VPS8: variants seen among roughly 807,000 people sequenced by gnomAD.
VPS8 encodes vacuolar protein sorting-associated protein 8 homolog.
Under a neutral mutation model 216.4 loss-of-function variants are expected in VPS8, and 129 were observed. The ratio of observed to expected loss-of-function variants is 0.60; its 90% CI spans 0.52 to 0.69. The LOEUF (loss-of-function observed/expected upper bound fraction) is 0.69. Among genes scored for constraint, VPS8 ranks in the 30% least tolerant of loss-of-function variants. The probability of loss-of-function intolerance (pLI) is 0.00; values close to 1 mark genes in which losing one functional copy is unlikely to be tolerated. For missense variants in VPS8, 1,531 were observed against 1,683.5 expected, an observed-to-expected ratio of 0.91 and a Z score of 1.59; for synonymous variants, 571 against 565.4, an observed-to-expected ratio of 1.01 and a Z score of -0.14.
At chr3:184,916,159 T>G (rs1223544517) in intron 28 of VPS8, among the ~76,000 whole-genome samples, 1 of 152,158 alleles carries the variant, frequency 6.6e-6, no homozygotes, top group Non-Finnish European at 1.5e-5. Context: ...GGAGTCGAAA[T>G]GGAACGCGGA....
intron 42 of VPS8, among the ~76,000 whole-genome samples, chr3:184,988,219 G>C (rs998889977): frequency 6.6e-6 from 1 of 152,080 alleles, no homozygotes; most frequent in Non-Finnish European, 1.5e-5. Context: ...TTTTGATGTT[G>C]TATGTAAAAA....
At chr3:185,018,563 G>A (rs573414948) in intron 45 of VPS8, among the ~76,000 whole-genome samples, 7 of 152,294 alleles carry the variant, frequency 4.6e-5, no homozygotes, top group African/African-American at 1.7e-4. Context: ...GTTTTAAATT[G>A]TAAGAACTGA....
At chr3:184,928,088 C>G (rs1740002979) in intron 31 of VPS8, among the ~76,000 whole-genome samples, 2 of 152,082 alleles carry the variant, frequency 1.3e-5, no homozygotes, top group Admixed American at 6.6e-5. Context: ...TGTGGATAGA[C>G]AGATTGTAAA....
intron 5 of VPS8, among the ~76,000 whole-genome samples, chr3:184,837,713 T>C (rs1354552531): frequency 6.6e-6 from 1 of 152,170 alleles, no homozygotes; most frequent in Non-Finnish European, 1.5e-5. Context: ...TTCTGAGAGA[T>C]GATAATAATT....
At chr3:185,024,284 A>G (rs1757050187) in intron 45 of VPS8, 52 bp from the exon 46 acceptor site, 2 of 1,511,980 alleles carry the variant, frequency 1.3e-6, no homozygotes, top group Non-Finnish European at 9.0e-7. Context: ...TGGGTCAGAC[A>G]AAACTAGACT....
At chr3:184,886,016 A>G in intron 21 of VPS8, 94 bp from the exon 22 acceptor site, 2 of 1,368,822 alleles carry the variant, frequency 1.5e-6, no homozygotes, top group Non-Finnish European at 2.0e-6. Flanking sequence ...ATATCCTCCT[A>G]ACAATCTAAA....
chr3:184,957,495 T>G lies in VPS8; in HGVS notation c.3157T>G (p.Cys1053Gly). The change falls in exon 37 of 48, where the codon TGC (cysteine) becomes GGC (glycine). Residue 1053 changes from cysteine (C) to glycine (G), a missense_variant. Cys to Gly is a radical substitution (Grantham distance 159, BLOSUM62 -3). Around this residue, in one of 3 missense-constraint regions of VPS8, gnomAD observed 1,318 missense variants for 1,468.4 expected, o/e 0.90. Coordinates refer to ENST00000625842, the MANE Select transcript of VPS8 (RefSeq NM_001009921.3). ...TATAGAGACTCTGCAAGTCCTTGAG[T>G]GCTACCGTCTGGAAGAAACTATTCA... The part of the protein sequence containing the change: ...QVIETLQVLE[C>G]YRLEETIQIT... The G allele has an allele frequency of 6.2e-7, 1 of 1,611,670 alleles. No homozygotes were observed. Among genetic ancestry groups the G allele is most frequent in the Non-Finnish European group, 8.5e-7 (1 of 1,178,896 alleles).
intron 21 of VPS8, among the ~76,000 whole-genome samples, chr3:184,875,920 G>T (rs116573628): frequency 0.013 from 2,018 of 151,598 alleles, 40 homozygotes; most frequent in African/African-American, 0.046. Flanking sequence ...AGCCCGGGAG[G>T]TTGAGGTTGC....
At chr3:184,822,266 G>A (rs911656651) in intron 1 of VPS8, among the ~76,000 whole-genome samples, 3 of 152,128 alleles carry the variant, frequency 2.0e-5, no homozygotes, top group Non-Finnish European at 1.5e-5. Flanking sequence ...TGTCCACTTT[G>A]CCAGCACATT....
intron 9 of VPS8, 34 bp from the exon 10 acceptor site, chr3:184,849,902 A>G: frequency 6.5e-7 from 1 of 1,548,396 alleles, no homozygotes; most frequent in Non-Finnish European, 8.9e-7. Flanking sequence ...AAAGAGCAAT[A>G]AATTTGTTTT....
intron 25 of VPS8, among the ~76,000 whole-genome samples, chr3:184,912,244 A>C (rs897628048): frequency 6.6e-6 from 1 of 152,324 alleles, no homozygotes; most frequent in Middle Eastern, 3.4e-3. Context: ...GCGTTTTTCT[A>C]ACTCGCTCAG....
chr3:184,894,606 G>C (rs1340629494), intron 22 of VPS8, 97 bp from the exon 23 acceptor site: 12 of 951,948 alleles, frequency 1.3e-5, no homozygotes, highest in African/African-American at 3.4e-5. Flanking sequence ...TCATGAGTAA[G>C]TTGAAGTAGG....
intron 17 of VPS8, among the ~76,000 whole-genome samples, chr3:184,867,422 C>A (rs1275524207): frequency 6.6e-6 from 1 of 152,148 alleles, no homozygotes; most frequent in Non-Finnish European, 1.5e-5. Flanking sequence ...AGAAACATTT[C>A]TTCATTATTA....
At chr3:184,863,164 C>G (rs928509694) in intron 16 of VPS8, 97 bp downstream of exon 16, 2 of 1,445,352 alleles carry the variant, frequency 1.4e-6, no homozygotes, top group East Asian at 2.3e-5. Context: ...TGGGGAGTTA[C>G]CTTTTTCTGT....
At position 184,899,033 on chromosome 3, in the gene VPS8, A is replaced by G. The variant is rs114027891; in HGVS notation, c.2094+379A>G. On this transcript the variant is annotated intron_variant, in intron 24 of 47. Coordinates refer to ENST00000625842, the MANE Select transcript of VPS8 (RefSeq NM_001009921.3). The stretch of plus-strand genomic sequence containing the variant: ...TATATAATCAATGTACTATTGAGTA[A>G]TGCTATTTGTAGATATATTCTGCTG... Among the ~76,000 whole-genome samples, 1,325 of 152,328 alleles carry G rather than the reference A, an allele frequency of 8.7e-3. 24 individuals are homozygous for G. The highest frequency in any genetic ancestry group is 0.029 in the African/African-American group (1,193 of 41,586).
At chr3:185,012,294 TATTATATA>T (rs944996435) in intron 45 of VPS8, among the ~76,000 whole-genome samples, 29 of 147,390 alleles carry the variant, frequency 2.0e-4, no homozygotes, top group African/African-American at 6.8e-4. Context: ...ATAATTTATA[TATTATATA>T]ATTATATTTA....
At chr3:185,048,803 G>T (rs910978100) in intron 47 of VPS8, among the ~76,000 whole-genome samples, 1 of 152,118 alleles carries the variant, frequency 6.6e-6, no homozygotes, top group East Asian at 1.9e-4. Context: ...ACACAGAAGG[G>T]CCTCTGTGTT....
chr3:184,840,548 AT>A (rs1721938769), intron 7 of VPS8: 1 of 151,946 alleles, frequency 6.6e-6, no homozygotes, highest in Non-Finnish European at 1.5e-5. Flanking sequence ...TGAAAAAAAA[AT>A]AAATAAAATA....
intron 4 of VPS8, among the ~76,000 whole-genome samples, 152 bp from the exon 5 acceptor site, chr3:184,834,494 TATA>T (rs1478550471): frequency 1.3e-5 from 2 of 151,950 alleles, no homozygotes; most frequent in Non-Finnish European, 2.9e-5. Context: ...AAACTTAAAG[TATA>T]ATAATAATAA....
Sources: gnomAD v4.1 joint callset for allele counts (sites outside exome capture counted in the v4.1 genomes callset) on GRCh38, gnomAD v4.1.1 for gene constraint, gnomAD v4.1.1 regional missense constraint, MANE v1.5 for transcripts, NCBI Gene and HGNC (gene_info 2026-07-23, HGNC 2026-07-21) for gene names.